Variants in PPP1R21 observed in about 807,000 individuals in gnomAD.
PPP1R21 encodes protein phosphatase 1 regulatory subunit 21, also known as KLRAQ motif containing 1.
A neutral mutation model predicts 112.8 loss-of-function variants in PPP1R21; 85 were observed. The ratio of observed to expected loss-of-function variants is 0.75; its 90% CI spans 0.63 to 0.90. The LOEUF (loss-of-function observed/expected upper bound fraction) is 0.90. Among genes scored for constraint, PPP1R21 ranks in the 40% least tolerant of loss-of-function variants. The pLI is 0.00. For missense variants in PPP1R21, 1,199 were observed against 901.5 expected, an observed-to-expected ratio of 1.33 and a Z score of -4.23; for synonymous variants, 381 against 322.3, an observed-to-expected ratio of 1.18 and a Z score of -1.95.
At chr2:48,446,830 T>A (rs1389761616) in intron 1 of PPP1R21, among the ~76,000 whole-genome samples, 1 of 152,136 alleles carries the variant, frequency 6.6e-6, no homozygotes, top group African/African-American at 2.4e-5. Context: ...CACTGCAACC[T>A]CCGTCCGTCT....
At chr2:48,492,470 C>T (rs947644665) in intron 15 of PPP1R21, among the ~76,000 whole-genome samples, 9 of 152,224 alleles carry the variant, frequency 5.9e-5, no homozygotes, top group East Asian at 1.9e-4. Flanking sequence ...CTTTTAGATA[C>T]GGCATAGAAT....
At chr2:48,510,232 C>G in intron 20 of PPP1R21, 119 bp downstream of exon 20, 2 of 590,162 alleles carry the variant, frequency 3.4e-6, no homozygotes, top group Admixed American at 6.5e-5. Flanking sequence ...AAGATAACCA[C>G]TGTATTTCTG....
intron 1 of PPP1R21, among the ~76,000 whole-genome samples, chr2:48,448,713 G>A (rs911685466): frequency 6.6e-6 from 1 of 151,410 alleles, no homozygotes; most frequent in South Asian, 2.1e-4. Flanking sequence ...TCAAGACTAT[G>A]TTGATATTTG....
intron 13 of PPP1R21, among the ~76,000 whole-genome samples, chr2:48,484,577 C>T (rs1300901535): frequency 6.8e-6 from 1 of 146,984 alleles, no homozygotes; most frequent in Non-Finnish European, 1.5e-5. Flanking sequence ...ACTGCAGTGG[C>T]ATGATCTTGG....
intron 21 of PPP1R21, among the ~76,000 whole-genome samples, chr2:48,512,283 C>T (rs775939217): frequency 9.2e-5 from 14 of 152,090 alleles, no homozygotes; most frequent in Non-Finnish European, 1.3e-4. Flanking sequence ...ATCCACATAC[C>T]GTGTCTTTAT....
At chr2:48,469,565 AGC>A in intron 9 of PPP1R21, among the ~76,000 whole-genome samples, 1 of 97,916 alleles carries the variant, frequency 1.0e-5, no homozygotes, top group Non-Finnish European at 2.2e-5. Context: ...AGAGAGAGAG[AGC>A]ATATATATAT....
chr2:48,482,987 C>G (rs1669093492), intron 13 of PPP1R21, among the ~76,000 whole-genome samples: 1 of 151,908 alleles, frequency 6.6e-6, no homozygotes, highest in South Asian at 2.1e-4. Flanking sequence ...TGGCATGTGT[C>G]CATGTGTTCT....
At chr2:48,452,184 C>T (rs1667505645) in intron 2 of PPP1R21, among the ~76,000 whole-genome samples, 2 of 152,176 alleles carry the variant, frequency 1.3e-5, no homozygotes, top group Admixed American at 6.5e-5. Context: ...CCTTGTTTGT[C>T]CTAGTAGCCT....
chr2:48,511,378 G>T lies in PPP1R21; in HGVS notation c.2223G>T (p.Gln741His). 1.2e-6 allele frequency: 2 copies of T among 1,614,026 alleles called. No homozygotes were observed. The highest frequency in any genetic ancestry group is 1.7e-6 in the Non-Finnish European group (2 of 1,179,994). Residue 741 changes from glutamine to histidine, a missense_variant, in exon 21 of 22, where the codon CAG becomes CAT. Coordinates refer to ENST00000294952, the MANE Select transcript of PPP1R21 (RefSeq NM_001135629.3). Reference protein sequence around the residue: ...LTTTKRSYEDQLSMMSDHLCS... With the variant: ...LTTTKRSYEDHLSMMSDHLCS... ...CTACCAAGAGGAGTTACGAGGATCAGTTAAGTATGATGAGTGACCACCTGT... is the reference window on the plus strand; with the variant it reads ...CTACCAAGAGGAGTTACGAGGATCATTTAAGTATGATGAGTGACCACCTGT...
chr2:48,459,903 C>G lies in PPP1R21; in HGVS notation c.525C>G (p.Asp175Glu), dbSNP rs769744843. 3.1e-6 allele frequency: 5 copies of G among 1,613,952 alleles called. No homozygotes were observed. The highest frequency in any genetic ancestry group is 4.2e-6 in the Non-Finnish European group (5 of 1,179,934). Residue 175 changes from aspartate (D) to glutamate (E), a missense_variant, in exon 5 of 22, where the codon GAC (aspartate) becomes GAG (glutamate). By Grantham distance (45) the Asp-to-Glu change is conservative. Coordinates refer to ENST00000294952, the MANE Select transcript of PPP1R21 (RefSeq NM_001135629.3). Reference protein sequence around the residue: ...YMETIEKLQNDKAKLEVKSQT... With the variant: ...YMETIEKLQNEKAKLEVKSQT... Reference sequence around the variant, plus strand: ...AAACCATTGAGAAGCTGCAGAACGACAAGGCTAAACTAGAAGTAAGCCCCA... The same window carrying G: ...AAACCATTGAGAAGCTGCAGAACGAGAAGGCTAAACTAGAAGTAAGCCCCA...
At chr2:48,469,321 ATATATATATAGAGCATATATATATATAG>A (rs1558456357) in intron 9 of PPP1R21, among the ~76,000 whole-genome samples, 347 of 31,380 alleles carry the variant, frequency 0.011, 4 homozygotes, top group South Asian at 0.016. Flanking sequence ...ACACACACAC[ATATATATATAGAGCATATATATATATAG>A]CATATATATA....
At chr2:48,470,211 C>G (rs1320048309) in intron 9 of PPP1R21, among the ~76,000 whole-genome samples, 4 of 152,118 alleles carry the variant, frequency 2.6e-5, no homozygotes, top group Non-Finnish European at 5.9e-5. Context: ...TTAAGGTTAT[C>G]AGTGACAGTT....
rs568211874 is a variant in PPP1R21 at position 48,465,145 on chromosome 2, T to C, written c.747+156T>C. Among the ~76,000 whole-genome samples the C allele has an allele frequency of 3.5e-4, 54 of 152,374 alleles. 1 individual carries two copies. Among genetic ancestry groups the C allele is most frequent in the African/African-American group, 1.3e-3 (53 of 41,594 alleles). The stretch of plus-strand genomic sequence containing the variant: ...TCTCATACATTTATTCAAATGTAGC[T>C]TGCTTTTTATTGCATTCATAAGTAA... On this transcript the variant is annotated intron_variant, in intron 8 of 21. Transcript: ENST00000294952.
At chr2:48,514,498 G>A (rs866512245) in intron 21 of PPP1R21, among the ~76,000 whole-genome samples, 4 of 152,284 alleles carry the variant, frequency 2.6e-5, no homozygotes, top group South Asian at 4.1e-4. Flanking sequence ...AGCCCCGAGA[G>A]GGATAGGGTC....
chr2:48,461,263 G>A (rs373148744), intron 7 of PPP1R21, 31 bp downstream of exon 7: 1 of 1,493,910 alleles, frequency 6.7e-7, no homozygotes, highest in Non-Finnish European at 8.9e-7. Flanking sequence ...TCCATTATTT[G>A]TAACTTTGAA....
At position 48,469,567 on chromosome 2, in the gene PPP1R21, C is replaced by T. The variant is rs374736616; in HGVS notation, c.898-1520C>T. On this transcript the variant is annotated intron_variant, in intron 9 of 21. Coordinates refer to ENST00000294952, the MANE Select transcript of PPP1R21 (RefSeq NM_001135629.3). ...TATATATATATAGAGAGAGAGAGAG[C>T]ATATATATATATATATATGCTAACC... is the stretch of plus-strand genomic sequence containing the variant. 4.6e-5 allele frequency among the ~76,000 whole-genome samples: 4 copies of T among 87,100 alleles called. 1 individual carries two copies. Among genetic ancestry groups the T allele is most frequent in the African/African-American group, 8.5e-5 (2 of 23,450 alleles). The allele number at this position is 87,100 out of a possible 152,430, so 57.1% of individuals were successfully genotyped here.
At chr2:48,486,564 T>C (rs1669307138) in intron 13 of PPP1R21, 67 bp from the exon 14 acceptor site, 1 of 1,206,940 alleles carries the variant, frequency 8.3e-7, no homozygotes, top group Non-Finnish European at 1.2e-6. Context: ...GAGAAGTGAA[T>C]GGGCTGGTTA....
At chr2:48,511,314 T>G (rs896736337) in intron 20 of PPP1R21, 26 bp from the exon 21 acceptor site, 1 of 1,601,484 alleles carries the variant, frequency 6.2e-7, no homozygotes, top group Non-Finnish European at 8.5e-7. Flanking sequence ...GGGATGTTGA[T>G]TTTTGTCTTT....
intron 9 of PPP1R21, among the ~76,000 whole-genome samples, chr2:48,468,659 A>C (rs189375198): frequency 1.0e-3 from 154 of 152,170 alleles, no homozygotes; most frequent in Non-Finnish European, 1.5e-3. Flanking sequence ...CCAAAAAAAA[A>C]CAAAAATTAG....
Sources: allele counts gnomAD v4.1 joint callset (sites outside exome capture counted in the v4.1 genomes callset), GRCh38; gene constraint gnomAD v4.1.1; transcripts MANE v1.5; gene names NCBI Gene and HGNC (gene_info 2026-07-23, HGNC 2026-07-21).